Variants in DNAH10 observed in about 807,000 individuals in gnomAD.
DNAH10 encodes axonemal beta dynein heavy chain 10.
A neutral mutation model predicts 506.6 loss-of-function variants in DNAH10; 348 were observed. The ratio of observed to expected loss-of-function variants is 0.69; its 90% confidence interval spans 0.63 to 0.75. DNAH10 has a LOEUF of 0.75. Among genes scored for constraint, DNAH10 ranks in the 30% least tolerant of loss-of-function variants. The pLI, the probability that DNAH10 is intolerant of heterozygous loss-of-function variation, is 0.00. For synonymous variants in DNAH10, 2,059 were observed against 2,198.6 expected (o/e 0.94, Z 1.78); for missense variants, 5,179 against 5,787.1 (o/e 0.89, Z 3.41).
intron 37 of DNAH10, among the ~76,000 whole-genome samples, chr12:123,858,494 A>G (rs1265292208): frequency 2.0e-5 from 3 of 152,222 alleles, no homozygotes; most frequent in Non-Finnish European, 4.4e-5. Context: ...AGGAATATAA[A>G]ATGGTGCAGC....
At chr12:123,927,100 TG>T (rs1954980200) in intron 69 of DNAH10, 1 of 431,756 alleles carries the variant, frequency 2.3e-6, no homozygotes, top group African/African-American at 2.0e-5. Context: ...TGGAGTGCAG[TG>T]GTGCGAACAT....
Position 123,794,037 on chromosome 12 carries a change from C to T in DNAH10, c.1911C>T (p.His637=). 1 of 1,287,026 alleles carries T rather than the reference C, an allele frequency of 7.8e-7. No individual in the cohort carries two copies. The highest frequency in any genetic ancestry group is 1.0e-6 in the Non-Finnish European group (1 of 987,160). The allele number at this position is 1,287,026 out of a possible 1,614,324, so 79.7% of individuals were successfully genotyped here. ...TTGACATGCTTTTAAAATTTAAGCA[C>T]ATTCGTTCACGGGAGGCTGTTAATC... ...AAFDMLLKFK[H]IRSREAVNRQ... is the part of the protein sequence containing the mutation. The change falls in exon 12 of 79, where the codon CAC becomes CAT. Residue 637 remains histidine (H), a synonymous_variant. Coordinates refer to ENST00000673944, the MANE Select transcript of DNAH10 (RefSeq NM_001372106.1).
At position 123,925,387 on chromosome 12, in the gene DNAH10, T is replaced by G. The variant is rs1954899790; in HGVS notation, c.11921+183T>G. On this transcript the variant is annotated intron_variant, in intron 68 of 78. Coordinates refer to ENST00000673944, the MANE Select transcript of DNAH10 (RefSeq NM_001372106.1). The surrounding 1 kb of genome is among the most constrained non-coding windows in gnomAD (Gnocchi z 4.0). ...CAATATTCTAGAACAGTGCTAGTCATAAGAAATTCAGTGTGAGCCACATAT... is the reference window on the plus strand; with the variant it reads ...CAATATTCTAGAACAGTGCTAGTCAGAAGAAATTCAGTGTGAGCCACATAT... 1 of 782,008 alleles carries G rather than the reference T, an allele frequency of 1.3e-6. No individual in the cohort carries two copies. Among genetic ancestry groups the G allele is most frequent in the Admixed American group, 3.5e-5 (1 of 28,502 alleles). The allele number at this position is 782,008 out of a possible 1,614,324, so 48.4% of individuals were successfully genotyped here. A position where few individuals can be genotyped will look rare whatever the true frequency, so the allele number is the denominator to read the frequency against.
chr12:123,818,999 C>A lies in DNAH10; in HGVS notation c.3830C>A (p.Ser1277Tyr). ...ELVDKIESIW[S>Y]NLFNDSVNVE... The stretch of plus-strand genomic sequence containing the variant: ...GTTGATAAGATTGAGAGCATATGGT[C>A]CAATCTGTTTAATGATTCAGTGAAT... The change falls in exon 22 of 79, where the codon TCC becomes TAC. Residue 1277 changes from serine (S) to tyrosine (Y), a missense_variant. By Grantham distance (144) the Ser-to-Tyr change is moderately radical (BLOSUM62 -2). Transcript: ENST00000673944. 6.2e-7 allele frequency: 1 copy of A among 1,608,338 alleles called. No homozygotes were observed. The highest frequency in any genetic ancestry group is 1.1e-5 in the South Asian group (1 of 89,382).
rs774488232 is a variant in DNAH10, at chr12:123,935,364, C to A, written c.13653C>A (p.Thr4551=). Residue 4551 remains threonine, a synonymous_variant, in exon 79 of 79, where the codon ACC becomes ACA. Transcript: ENST00000673944. ...QNTFRTPVYT[T]SMRRNAMGVG... ...CTTTCCGGACCCCCGTCTACACCAC[C>A]TCCATGAGAAGGAACGCCATGGGAG... 2 of 1,610,944 alleles carry A rather than the reference C, an allele frequency of 1.2e-6. No individual in the cohort carries two copies. Among genetic ancestry groups the A allele is most frequent in the South Asian group, 2.2e-5 (2 of 90,994 alleles).
rs925005269 is a variant in DNAH10 at position 123,785,042 on chromosome 12, G to A, written c.1231-704G>A. The stretch of plus-strand genomic sequence containing the variant: ...TGGCTATTATGAAGAATGCTGCTAC[G>A]AACATTCTTGTACAAGGATTTGTGT... On this transcript the variant is annotated intron_variant, in intron 8 of 78. Transcript: ENST00000673944. This position sits in a 1 kb window ranked among gnomAD's most constrained non-coding sequence, Gnocchi z 4.1. Among the ~76,000 whole-genome samples, 2 of 152,210 alleles carry A rather than the reference G, an allele frequency of 1.3e-5. No individual in the cohort carries two copies. The highest frequency in any genetic ancestry group is 2.9e-5 in the Non-Finnish European group (2 of 68,036).
chr12:123,872,987 G>A (rs1464521247), intron 45 of DNAH10, among the ~76,000 whole-genome samples: 1 of 152,218 alleles, frequency 6.6e-6, no homozygotes, highest in Non-Finnish European at 1.5e-5. Flanking sequence ...GAGGGCCTGA[G>A]GACACATGCA....
intron 39 of DNAH10, 150 bp downstream of exon 39, chr12:123,861,320 C>T (rs977487250): frequency 1.1e-5 from 11 of 1,021,230 alleles, no homozygotes; most frequent in Admixed American, 5.7e-5. Context: ...TTCGGAAGTG[C>T]GCAGTCCAAT....
At chr12:123,773,300 G>A (rs1188530885) in intron 4 of DNAH10, among the ~76,000 whole-genome samples, 1 of 152,214 alleles carries the variant, frequency 6.6e-6, no homozygotes, top group African/African-American at 2.4e-5. Context: ...TGTTTACCAT[G>A]GTGATTGATT....
chr12:123,878,366 T>C (rs1385194918), intron 48 of DNAH10, among the ~76,000 whole-genome samples: 1 of 152,228 alleles, frequency 6.6e-6, no homozygotes, highest in Non-Finnish European at 1.5e-5. Context: ...TCTACTTTAG[T>C]CTATGTGGAT....
chr12:123,767,686 C>T lies in DNAH10; in HGVS notation c.295C>T (p.Arg99Ter), dbSNP rs747681752. Residue 99 changes from arginine to a stop codon, truncating the protein, a stop_gained, in exon 2 of 79, where the codon CGA becomes TGA. Transcript: ENST00000673944. LOFTEE classifies it high-confidence loss of function. The part of the protein sequence containing the change: ...SQKVESVDKV[R>*]AKRVSLRTES... ...AAAAGTGGAGTCCGTGGATAAAGTG[C>T]GAGGTGTGGAGTTGGGAGGGGTCAT... 6.2e-6 allele frequency: 10 copies of T among 1,610,154 alleles called. No individual in the cohort carries two copies. Among genetic ancestry groups the T allele is most frequent in the Non-Finnish European group, 5.1e-6 (6 of 1,178,190 alleles).
intron 52 of DNAH10, among the ~76,000 whole-genome samples, chr12:123,892,854 C>G (rs1953048432): frequency 2.0e-5 from 3 of 152,206 alleles, no homozygotes; most frequent in Admixed American, 2.0e-4. Context: ...ATGCCAGTAG[C>G]AACCTCCCTT....
rs199879119 is a variant in DNAH10, at chr12:123,857,214, G to A, written c.6597G>A (p.Leu2199=). The A allele has an allele frequency of 4.8e-5, 77 of 1,594,222 alleles. No individual in the cohort carries two copies. The Admixed American group carries it at 5.4e-4, about 11-fold the overall frequency. Residue 2199 remains leucine (L), a synonymous_variant, in exon 37 of 79, where the codon CTG becomes CTA. Transcript: ENST00000673944. ...PDFNDAVEQV[L]EENGYAVLPI... ...TCAACGATGCGGTAGAGCAGGTCCT[G>A]GAGGAGAACGGCTACGCGGTCCTAC...
chr12:123,908,999 C>T (rs552102684), intron 57 of DNAH10, among the ~76,000 whole-genome samples: 122 of 152,278 alleles, frequency 8.0e-4, no homozygotes, highest in South Asian at 6.4e-3. Context: ...GCTCCGGGGA[C>T]GGCCTGGGTT....
chr12:123,861,013 C>A lies in DNAH10; in HGVS notation c.6751C>A (p.Leu2251Ile). ...INTLCQAQTK[L>I]GLTTKLYILN... ...TGGCTAAAGCCTCTCTTGATTTAGG[C>A]TTGGGCTGACGACAAAGTTGTACAT... Residue 2251 changes from leucine to isoleucine, a missense_variant and splice_region_variant, in exon 39 of 79, where the codon CTT becomes ATT. By Grantham distance (5) the Leu-to-Ile change is conservative. Transcript: ENST00000673944. 1 of 1,613,954 alleles carries A rather than the reference C, an allele frequency of 6.2e-7. No individual in the cohort carries two copies. Among genetic ancestry groups the A allele is most frequent in the East Asian group, 2.2e-5 (1 of 44,878 alleles).
chr12:123,917,165 TTC>T lies in DNAH10; in HGVS notation c.11003-417_11003-416del, dbSNP rs1043695782. On this transcript the variant is annotated intron_variant, in intron 63 of 78. Transcript: ENST00000673944. The surrounding 1 kb of genome is among the most constrained non-coding windows in gnomAD (Gnocchi z 5.6). Reference sequence around the variant, plus strand: ...TAGGCTAATTTGATTTGGATGTACTTTCTTTTCTTTTTTCTTTTTCTTTTTTT... The same window carrying T: ...TAGGCTAATTTGATTTGGATGTACTTTTTTCTTTTTTCTTTTTCTTTTTTT... 1.4e-5 allele frequency among the ~76,000 whole-genome samples: 1 copy of T among 70,864 alleles called. No individual in the cohort carries two copies. The highest frequency in any genetic ancestry group is 3.3e-5 in the Non-Finnish European group (1 of 30,286). 46.5% of individuals were successfully genotyped at this position (70,864 alleles called of 152,430 possible).
chr12:123,769,009 GATT>G (rs1957152397), intron 2 of DNAH10, among the ~76,000 whole-genome samples: 1 of 152,224 alleles, frequency 6.6e-6, no homozygotes, highest in Admixed American at 6.5e-5. Context: ...AAAGTGTTGG[GATT>G]ACAGGCATGA....
chr12:123,879,930 CT>C lies in DNAH10; in HGVS notation c.8634+131del, dbSNP rs534178225. On this transcript the variant is annotated intron_variant, in intron 50 of 78. Coordinates refer to ENST00000673944, the MANE Select transcript of DNAH10 (RefSeq NM_001372106.1). ...TCTGTCTGAGGGCTTGAAATACGGG[CT>C]TGTGTCTGGTCCGGTGGTTCCCACA... 50 of 1,124,218 alleles carry C rather than the reference CT, an allele frequency of 4.4e-5. No individual in the cohort carries two copies. The East Asian group carries it at 1.1e-3, about 26-fold the overall frequency. 69.6% of individuals were successfully genotyped at this position (1,124,218 alleles called of 1,614,324 possible).
chr12:123,902,800 C>A lies in DNAH10; in HGVS notation c.9641-139C>A. On this transcript the variant is annotated intron_variant, in intron 56 of 78. Transcript: ENST00000673944. The surrounding 1 kb of genome is among the most constrained non-coding windows in gnomAD (Gnocchi z 4.5). ...TTCTGTCCCACCAGGATCACTGAGG[C>A]TGCCACATTGGCCAGAGCCCCTTAG... is the stretch of plus-strand genomic sequence containing the variant. 2 of 1,103,556 alleles carry A rather than the reference C, an allele frequency of 1.8e-6. No individual in the cohort carries two copies. Among genetic ancestry groups the A allele is most frequent in the South Asian group, 1.8e-5 (1 of 56,262 alleles). The allele number at this position is 1,103,556 out of a possible 1,614,324, so 68.4% of individuals were successfully genotyped here. A position where few individuals can be genotyped will look rare whatever the true frequency, so the allele number is the denominator to read the frequency against.
Sources: gnomAD v4.1 joint callset for allele counts (sites outside exome capture counted in the v4.1 genomes callset) on GRCh38, gnomAD v4.1.1 for gene constraint, Gnocchi (gnomAD v3.1) non-coding constraint, MANE v1.5 for transcripts, NCBI Gene and HGNC (gene_info 2026-07-23, HGNC 2026-07-21) for gene names.